The following EPSTI1 variants were observed in gnomAD, a reference collection of about 807,000 sequenced individuals.
The protein encoded by EPSTI1 is epithelial-stromal interaction protein 1.
EPSTI1 carries 66 observed loss-of-function variants against 49.9 expected under a neutral mutation model. That is an observed-to-expected ratio of 1.32 (90% CI 1.08 to 1.62). EPSTI1 has a LOEUF of 1.62. Among genes scored for constraint, EPSTI1 ranks in the 40% most tolerant of loss-of-function variants. The pLI is 0.00. For synonymous variants in EPSTI1, 137 were observed against 130.7 expected (o/e 1.05, Z -0.33); for missense variants, 394 against 365.5 (o/e 1.08, Z -0.64).
chr13:42,947,604 A>T (rs1566145465), intron 6 of EPSTI1, among the ~76,000 whole-genome samples: 1 of 152,186 alleles, frequency 6.6e-6, no homozygotes, highest in African/African-American at 2.4e-5. Flanking sequence ...GTGTGATTTT[A>T]TGACTCTTTT....
intron 5 of EPSTI1, among the ~76,000 whole-genome samples, chr13:42,962,983 G>A (rs1264406978): frequency 6.6e-6 from 1 of 152,174 alleles, no homozygotes; most frequent in East Asian, 1.9e-4. Flanking sequence ...TGTTCCTGGT[G>A]ATGACTTAAC....
chr13:42,965,061 G>A (rs559513466), intron 3 of EPSTI1, among the ~76,000 whole-genome samples: 1 of 152,176 alleles, frequency 6.6e-6, no homozygotes, highest in Non-Finnish European at 1.5e-5. Flanking sequence ...TATAAGGCCT[G>A]TTTGGTGTTG....
At chr13:42,921,537 G>A (rs1426950530) in intron 7 of EPSTI1, among the ~76,000 whole-genome samples, 1 of 152,114 alleles carries the variant, frequency 6.6e-6, no homozygotes, top group East Asian at 1.9e-4. Context: ...TAGAAGAAAT[G>A]AGGCCCAGAA....
At chr13:42,892,627 G>A (rs1250282206) in intron 10 of EPSTI1, among the ~76,000 whole-genome samples, 2 of 152,208 alleles carry the variant, frequency 1.3e-5, no homozygotes, top group Admixed American at 1.3e-4. Flanking sequence ...GTAGAGATGT[G>A]TTGGGTAGGC....
In EPSTI1 at chr13:42,964,068, T is replaced by C; in HGVS notation, c.403A>G (p.Lys135Glu). 1 of 1,613,024 alleles carries C rather than the reference T, an allele frequency of 6.2e-7. No homozygotes were observed. The highest frequency in any genetic ancestry group is 1.1e-5 in the South Asian group (1 of 90,928). ...LQLMQSKYKQ[K>E]LKREESVRIK... Reference sequence around the variant, plus strand: ...AACTAAAAGAGATGAATTCTGACCTTTTGCTTGTATTTAGATTGCATCAGC... The same window carrying C: ...AACTAAAAGAGATGAATTCTGACCTCTTGCTTGTATTTAGATTGCATCAGC... The change falls in exon 4 of 11, where the codon AAG (lysine) becomes GAG (glutamate). Residue 135 changes from lysine (K) to glutamate (E), a missense_variant and splice_region_variant. Transcript: ENST00000313624.
chr13:42,956,590 G>A (rs1161984491), intron 5 of EPSTI1, among the ~76,000 whole-genome samples: 1 of 152,120 alleles, frequency 6.6e-6, no homozygotes, highest in African/African-American at 2.4e-5. Context: ...CGCAGAGGAG[G>A]TGTCTTTTTC....
chr13:42,896,711 TG>T (rs2153409840), intron 9 of EPSTI1, among the ~76,000 whole-genome samples: 1 of 152,302 alleles, frequency 6.6e-6, no homozygotes, highest in East Asian at 1.9e-4. Context: ...AGCTTCCCAT[TG>T]GTCTTAGAAT....
intron 1 of EPSTI1, among the ~76,000 whole-genome samples, chr13:42,989,167 A>T (rs1211402354): frequency 6.6e-6 from 1 of 150,978 alleles, no homozygotes; most frequent in African/African-American, 2.4e-5. Context: ...GACCACAAGT[A>T]GGTGTTTTAA....
Position 42,953,947 on chromosome 13 carries a change from C to T in EPSTI1, c.563+1G>A, listed in dbSNP as rs1453730925. 6 of 1,611,512 alleles carry T rather than the reference C, an allele frequency of 3.7e-6. No homozygotes were observed. In the African/African-American group the frequency reaches 8.0e-5, roughly 22 times the overall value. On this transcript the variant is annotated splice_donor_variant, in intron 6 of 10. Transcript: ENST00000313624. LOFTEE classifies it high-confidence loss of function. ...ACGAAGTTCTGAAAACATTAACTTA[C>T]TATTGCTGATGCTCTCTAAATGCTT... is the stretch of plus-strand genomic sequence containing the variant.
rs541559321 is a variant in EPSTI1 at position 42,918,255 on chromosome 13, C to T, written c.658-631G>A. 1.7e-4 allele frequency among the ~76,000 whole-genome samples: 26 copies of T among 152,234 alleles called. 1 individual carries two copies. In the South Asian group the frequency reaches 5.2e-3, roughly 30 times the overall value. On this transcript the variant is annotated intron_variant, in intron 7 of 10. Coordinates refer to ENST00000313624, the MANE Select transcript of EPSTI1 (RefSeq NM_033255.5). ...GAGAATGCCCTTCGGTGTCTCTGACCCACCACACCAGAGTTCCACACCCTG... is the reference window on the plus strand; with the variant it reads ...GAGAATGCCCTTCGGTGTCTCTGACTCACCACACCAGAGTTCCACACCCTG...
In EPSTI1 at chr13:42,925,521, C is replaced by T. The variant is rs186720300; in HGVS notation, c.657+815G>A. Among the ~76,000 whole-genome samples the T allele has an allele frequency of 4.6e-5, 7 of 152,268 alleles. No individual in the cohort carries two copies. The East Asian group carries it at 1.4e-3, about 29-fold the overall frequency. On this transcript the variant is annotated intron_variant, in intron 7 of 10. Transcript: ENST00000313624. ...ATGCCCAGGGCCTAGGGATACTAAGCATCCTGCAGTAATCAAGACAACTCA... is the reference window on the plus strand; with the variant it reads ...ATGCCCAGGGCCTAGGGATACTAAGTATCCTGCAGTAATCAAGACAACTCA...
At chr13:42,926,032 G>GAAGA (rs1453709568) in intron 7 of EPSTI1, among the ~76,000 whole-genome samples, 1 of 150,968 alleles carries the variant, frequency 6.6e-6, no homozygotes, top group Non-Finnish European at 1.5e-5. Flanking sequence ...TGGATGGAAG[G>GAAGA]AAGGAAGGAA....
intron 1 of EPSTI1, among the ~76,000 whole-genome samples, chr13:42,979,422 C>CA (rs566009773): frequency 0.02 from 3,019 of 148,214 alleles, 92 homozygotes; most frequent in African/African-American, 0.071. Context: ...ACTAAAAATA[C>CA]AAAAAAAAAA....
chr13:42,934,982 A>G (rs1427608361), intron 6 of EPSTI1: 1 of 152,272 alleles, frequency 6.6e-6, no homozygotes, highest in African/African-American at 2.4e-5. Flanking sequence ...TACTGTCAAC[A>G]TGGATATCCT....
At chr13:42,898,673 CAA>C (rs1179768124) in intron 9 of EPSTI1, among the ~76,000 whole-genome samples, 6 of 152,094 alleles carry the variant, frequency 3.9e-5, no homozygotes, top group Non-Finnish European at 7.4e-5. Flanking sequence ...ATTCCTATAA[CAA>C]AAAAGTTATC....
chr13:42,978,068 G>C (rs1309986727), intron 1 of EPSTI1, among the ~76,000 whole-genome samples: 1 of 152,096 alleles, frequency 6.6e-6, no homozygotes, highest in East Asian at 1.9e-4. Flanking sequence ...CAGGAGAATG[G>C]CGTGAACCCG....
intron 8 of EPSTI1, among the ~76,000 whole-genome samples, chr13:42,910,008 T>C (rs896180942): frequency 6.6e-6 from 1 of 152,204 alleles, no homozygotes; most frequent in Non-Finnish European, 1.5e-5. Flanking sequence ...TAGCTAGACT[T>C]AGCCATTTCA....
chr13:42,939,484 A>G (rs1214495911), intron 6 of EPSTI1, among the ~76,000 whole-genome samples: 2 of 152,216 alleles, frequency 1.3e-5, no homozygotes, highest in African/African-American at 2.4e-5. Context: ...AGGGTTATTA[A>G]TTGGCCTAAT....
At chr13:42,957,792 C>G (rs1369197774) in intron 5 of EPSTI1, among the ~76,000 whole-genome samples, 1 of 152,196 alleles carries the variant, frequency 6.6e-6, no homozygotes, top group African/African-American at 2.4e-5. Flanking sequence ...CCAGGCTGCT[C>G]TTGAACTCCT....
Sources: gnomAD v4.1 joint callset for allele counts (sites outside exome capture counted in the v4.1 genomes callset) on GRCh38, gnomAD v4.1.1 for gene constraint, MANE v1.5 for transcripts, NCBI Gene and HGNC (gene_info 2026-07-23, HGNC 2026-07-21) for gene names.